The following FARS2 variants were observed in gnomAD, a reference collection of about 807,000 sequenced individuals.
FARS2 encodes the protein phenylalanyl-tRNA synthetase 2, mitochondrial.
A neutral mutation model predicts 46.4 loss-of-function variants in FARS2; 40 were observed. That is an observed-to-expected ratio of 0.86 (90% CI 0.67 to 1.12). The LOEUF is 1.12. FARS2 is among the 50% of genes most tolerant of loss of function. The pLI is 0.00. For synonymous variants in FARS2, 234 were observed against 214.9 expected (o/e 1.09, Z -0.78); for missense variants, 513 against 567.9 (o/e 0.90, Z 0.98).
At chr6:5,280,457 C>CT (rs141396806) in intron 1 of FARS2, among the ~76,000 whole-genome samples, 3,041 of 152,264 alleles carry the variant, frequency 0.02, 90 homozygotes, top group African/African-American at 0.069. Flanking sequence ...GGACTGTTGT[C>CT]TAACTTCGCC....
At position 5,368,855 on chromosome 6, in the gene FARS2, G is replaced by T; in HGVS notation, c.285G>T (p.Glu95Asp). 6.2e-7 allele frequency: 1 copy of T among 1,614,192 alleles called. No individual in the cohort carries two copies. Among genetic ancestry groups the T allele is most frequent in the Non-Finnish European group, 8.5e-7 (1 of 1,180,032 alleles). The change falls in exon 2 of 7, where the codon GAG (glutamate) becomes GAT (aspartate). Residue 95 changes from glutamate (E) to aspartate (D), a missense_variant. Physicochemically the swap from Glu to Asp is conservative, Grantham distance 45. Transcript: ENST00000274680. The stretch of plus-strand genomic sequence containing the variant: ...GGCTGATCAAGGAGAGGGTGAAGGA[G>T]CACTTCTACAAGCAGTATGTGGGCC... ...PLWLIKERVK[E>D]HFYKQYVGRF...
intron 6 of FARS2, among the ~76,000 whole-genome samples, chr6:5,646,342 G>A (rs532235302): frequency 2.6e-5 from 4 of 152,220 alleles, no homozygotes; most frequent in East Asian, 1.9e-4. Flanking sequence ...TGGTTCTGAC[G>A]AACGAGCTGT....
At chr6:5,521,591 T>C (rs111361830) in intron 4 of FARS2, among the ~76,000 whole-genome samples, 5 of 152,260 alleles carry the variant, frequency 3.3e-5, no homozygotes, top group African/African-American at 1.2e-4. Flanking sequence ...CAAAGAATTA[T>C]AAAGCCGGGA....
intron 6 of FARS2, chr6:5,665,445 T>C (rs1192200163): frequency 1.3e-5 from 2 of 152,230 alleles, no homozygotes; most frequent in East Asian, 3.8e-4. Context: ...CTCGGAGCTG[T>C]AGTCTCACAG....
chr6:5,524,110 T>C (rs1032271149), intron 4 of FARS2, among the ~76,000 whole-genome samples: 5 of 151,886 alleles, frequency 3.3e-5, no homozygotes, highest in Non-Finnish European at 5.9e-5. Context: ...TGACAATAGA[T>C]AATGAATGTA....
intron 6 of FARS2, among the ~76,000 whole-genome samples, chr6:5,651,574 A>T (rs555107507): frequency 6.6e-6 from 1 of 152,352 alleles, no homozygotes; most frequent in East Asian, 1.9e-4. Context: ...CTGCGCGGTC[A>T]TCATCAGAGG....
intron 6 of FARS2, among the ~76,000 whole-genome samples, chr6:5,700,333 T>C (rs1758342482): frequency 6.6e-6 from 1 of 152,196 alleles, no homozygotes. Context: ...AGAATATGCT[T>C]GTTTCATTGA....
intron 6 of FARS2, among the ~76,000 whole-genome samples, chr6:5,769,933 G>A (rs1215248627): frequency 6.6e-6 from 1 of 152,224 alleles, no homozygotes; most frequent in Non-Finnish European, 1.5e-5. Flanking sequence ...GCCAGGGTGG[G>A]AGAGAGGGGA....
chr6:5,734,837 G>A (rs927943406), intron 6 of FARS2, among the ~76,000 whole-genome samples: 1 of 151,466 alleles, frequency 6.6e-6, no homozygotes, highest in Non-Finnish European at 1.5e-5. Context: ...ATACATACAT[G>A]CATACATACA....
chr6:5,302,308 C>G (rs1359943421), intron 1 of FARS2, among the ~76,000 whole-genome samples: 1 of 152,178 alleles, frequency 6.6e-6, no homozygotes, highest in Non-Finnish European at 1.5e-5. Flanking sequence ...TTCTAACAGG[C>G]TTCCAGGCAG....
At chr6:5,652,902 C>G (rs2150763628) in intron 6 of FARS2, among the ~76,000 whole-genome samples, 1 of 152,308 alleles carries the variant, frequency 6.6e-6, no homozygotes, top group Admixed American at 6.5e-5. Flanking sequence ...GTCCAGGATC[C>G]TAAGAGTTTC....
chr6:5,377,200 T>C (rs901180759), intron 2 of FARS2, among the ~76,000 whole-genome samples: 6 of 152,230 alleles, frequency 3.9e-5, no homozygotes, highest in Admixed American at 1.3e-4. Flanking sequence ...AGTTGAAACA[T>C]GCATGTGTGG....
chr6:5,762,671 G>A (rs1479100825), intron 6 of FARS2, among the ~76,000 whole-genome samples: 2 of 152,264 alleles, frequency 1.3e-5, no homozygotes, highest in Non-Finnish European at 2.9e-5. Flanking sequence ...TGCTGGCTAG[G>A]AGCTGGGCCC....
At chr6:5,589,236 C>A (rs2150598930) in intron 5 of FARS2, among the ~76,000 whole-genome samples, 1 of 152,310 alleles carries the variant, frequency 6.6e-6, no homozygotes, top group East Asian at 1.9e-4. Flanking sequence ...CCTAACTTAA[C>A]CCTGGGCAAA....
At chr6:5,291,534 T>C (rs1767505015) in intron 1 of FARS2, 1 of 152,180 alleles carries the variant, frequency 6.6e-6, no homozygotes, top group Non-Finnish European at 1.5e-5. Flanking sequence ...AGATCTTTCT[T>C]ACAAAAAATA....
chr6:5,596,969 G>C (rs1309594704), intron 5 of FARS2, among the ~76,000 whole-genome samples: 2 of 152,208 alleles, frequency 1.3e-5, no homozygotes, highest in Non-Finnish European at 2.9e-5. Flanking sequence ...GTGACACCCT[G>C]TGGGATAGTT....
chr6:5,565,009 G>T (rs1013418680), intron 5 of FARS2, among the ~76,000 whole-genome samples: 1 of 152,188 alleles, frequency 6.6e-6, no homozygotes, highest in Non-Finnish European at 1.5e-5. Flanking sequence ...AAAATAACCA[G>T]TTTTTCCAGT....
At chr6:5,403,104 G>A (rs1285651420) in intron 2 of FARS2, among the ~76,000 whole-genome samples, 7 of 152,178 alleles carry the variant, frequency 4.6e-5, no homozygotes, top group African/African-American at 7.2e-5. Context: ...TTTAGAGGAA[G>A]CATTGACAGC....
At chr6:5,336,488 A>T (rs1305877168) in intron 1 of FARS2, among the ~76,000 whole-genome samples, 1 of 152,098 alleles carries the variant, frequency 6.6e-6, no homozygotes, top group Non-Finnish European at 1.5e-5. Flanking sequence ...CAGATTTTTT[A>T]AAATTTATTT....
Sources: gnomAD v4.1 joint callset for allele counts (sites outside exome capture counted in the v4.1 genomes callset) on GRCh38, gnomAD v4.1.1 for gene constraint, MANE v1.5 for transcripts, NCBI Gene and HGNC (gene_info 2026-07-23, HGNC 2026-07-21) for gene names.